The following GABRB3 variants were observed in gnomAD, a reference collection of about 807,000 sequenced individuals.
The protein encoded by GABRB3 is gamma-aminobutyric acid type A receptor subunit beta3.
GABRB3 carries 14 observed loss-of-function variants against 52.1 expected under a neutral mutation model. The observed-to-expected ratio is 0.27, with a 90% confidence interval of 0.18 to 0.42. GABRB3 has a LOEUF of 0.42. Among genes scored for constraint, GABRB3 ranks in the 10% least tolerant of loss-of-function variants. The probability of loss-of-function intolerance (pLI) is 1.00; values close to 1 mark genes in which losing one functional copy is unlikely to be tolerated. For synonymous variants in GABRB3, 260 were observed against 232.3 expected, an observed-to-expected ratio of 1.12 and a Z score of -1.08; for missense variants, 307 against 609.1, an observed-to-expected ratio of 0.50 and a Z score of 5.22.
At chr15:26,695,977 G>A (rs1888725596) in intron 3 of GABRB3, among the ~76,000 whole-genome samples, 1 of 152,210 alleles carries the variant, frequency 6.6e-6, no homozygotes, top group Non-Finnish European at 1.5e-5. Flanking sequence ...GTAGGTTTAA[G>A]TAAGAAATTA....
intron 3 of GABRB3, among the ~76,000 whole-genome samples, chr15:26,724,269 G>C (rs1243413415): frequency 6.6e-6 from 1 of 152,074 alleles, no homozygotes; most frequent in Non-Finnish European, 1.5e-5. Context: ...TCACAGCTGA[G>C]AAATAAAAAT....
intron 7 of GABRB3, among the ~76,000 whole-genome samples, chr15:26,564,479 T>G (rs1890093936): frequency 6.6e-6 from 1 of 152,064 alleles, no homozygotes; most frequent in Admixed American, 6.5e-5. Flanking sequence ...CCGCGTTGAG[T>G]CCAGGTCCAA....
intron 3 of GABRB3, among the ~76,000 whole-genome samples, chr15:26,636,606 C>G (rs1338770818): frequency 6.6e-6 from 1 of 152,182 alleles, no homozygotes; most frequent in African/African-American, 2.4e-5. Context: ...ATCATTCCAT[C>G]TATATGCTTA....
At chr15:26,645,235 T>C (rs1465670018) in intron 3 of GABRB3, among the ~76,000 whole-genome samples, 1 of 152,152 alleles carries the variant, frequency 6.6e-6, no homozygotes, top group Non-Finnish European at 1.5e-5. Flanking sequence ...AGTGAGACCA[T>C]GTCTCCCCCT....
chr15:26,572,709 C>T (rs893902735), intron 6 of GABRB3, among the ~76,000 whole-genome samples: 1 of 152,204 alleles, frequency 6.6e-6, no homozygotes, highest in Non-Finnish European at 1.5e-5. Context: ...ACTAAGACAT[C>T]CCTTTTAAAA....
chr15:26,549,045 T>C (rs1227373333), intron 8 of GABRB3, among the ~76,000 whole-genome samples: 1 of 152,178 alleles, frequency 6.6e-6, no homozygotes, highest in African/African-American at 2.4e-5. Context: ...TTCCCTTTCT[T>C]TGCCTGGAGG....
At chr15:26,763,166 G>A (rs933042090) in intron 3 of GABRB3, among the ~76,000 whole-genome samples, 24 of 152,252 alleles carry the variant, frequency 1.6e-4, no homozygotes, top group Admixed American at 1.6e-3. Flanking sequence ...AGGGCACCTG[G>A]CAGTAACTCC....
At chr15:26,586,628 A>C (rs983835738) in intron 4 of GABRB3, among the ~76,000 whole-genome samples, 2 of 140,818 alleles carry the variant, frequency 1.4e-5, no homozygotes, top group African/African-American at 5.2e-5. Context: ...CATTTCAGTG[A>C]GCTGAGATGG....
intron 3 of GABRB3, among the ~76,000 whole-genome samples, chr15:26,649,658 CTGTGTGTGTGTG>C (rs57833685): frequency 3.8e-5 from 5 of 130,184 alleles, no homozygotes; most frequent in East Asian, 4.5e-4. Context: ...AGAGCCAAGG[CTGTGTGTGTGTG>C]TGTGTGTGTG....
intron 4 of GABRB3, among the ~76,000 whole-genome samples, chr15:26,601,228 C>A (rs1419721360): frequency 2.6e-5 from 4 of 152,076 alleles, no homozygotes; most frequent in Admixed American, 2.6e-4. Flanking sequence ...TTGAAACCAG[C>A]CCGGCCAACA....
intron 3 of GABRB3, among the ~76,000 whole-genome samples, chr15:26,667,826 A>C (rs906785601): frequency 6.6e-6 from 1 of 152,048 alleles, no homozygotes; most frequent in African/African-American, 2.4e-5. Context: ...CCTCCACGTG[A>C]CTCAGAGGCA....
chr15:26,569,416 C>T (rs1257097820), intron 6 of GABRB3: 1 of 152,186 alleles, frequency 6.6e-6, no homozygotes, highest in East Asian at 1.9e-4. Context: ...TATCACATGT[C>T]ATCATAGCAT....
At chr15:26,772,309 C>T in intron 3 of GABRB3, 93 bp downstream of exon 3, 1 of 1,149,710 alleles carries the variant, frequency 8.7e-7, no homozygotes, top group Non-Finnish European at 1.3e-6. Context: ...TCGGCCCCGG[C>T]CGAAGAGGCC....
Position 26,615,783 on chromosome 15 carries a change from T to C in GABRB3, c.461+5531A>G, listed in dbSNP as rs1892231100. 3 of 1,168,906 alleles carry C rather than the reference T, an allele frequency of 2.6e-6. No homozygotes were observed. In the African/African-American group the frequency reaches 4.8e-5, roughly 19 times the overall value. 72.4% of individuals were successfully genotyped at this position (1,168,906 alleles called of 1,614,324 possible). On this transcript the variant is annotated intron_variant, in intron 4 of 8. Coordinates refer to ENST00000311550, the MANE Select transcript of GABRB3 (RefSeq NM_000814.6). ...CTAAGTGGCGACTGACCTACCAGTG[T>C]AGGCTACTGCTGGATAGACAAGGTG...
intron 3 of GABRB3, among the ~76,000 whole-genome samples, chr15:26,678,698 T>G (rs1428528826): frequency 6.6e-6 from 1 of 152,090 alleles, no homozygotes; most frequent in Non-Finnish European, 1.5e-5. Flanking sequence ...GAGGTGACCA[T>G]GGCTCTCAAC....
rs532293456 is a variant in GABRB3, at chr15:26,621,542, G to A, written c.241-8C>T. ...CATGGTTAAGGTATAATCCTGGGGG[G>A]AAAAGAAAAGAAAGAAAGTTAGTTT... On this transcript the variant is annotated splice_polypyrimidine_tract_variant and splice_region_variant and intron_variant, in intron 3 of 8. Transcript: ENST00000311550. This position sits in a 1 kb window ranked among gnomAD's most constrained non-coding sequence, Gnocchi z 4.1. 3.8e-6 allele frequency: 6 copies of A among 1,599,598 alleles called. No individual in the cohort carries two copies. Among genetic ancestry groups the A allele is most frequent in the African/African-American group, 2.7e-5 (2 of 74,696 alleles).
At chr15:26,771,385 T>C (rs1406776750) in intron 3 of GABRB3, among the ~76,000 whole-genome samples, 1 of 152,168 alleles carries the variant, frequency 6.6e-6, no homozygotes, top group Non-Finnish European at 1.5e-5. Context: ...GATTCCGACG[T>C]ACACGAGAGT....
Position 26,621,123 on chromosome 15 carries a change from T to C in GABRB3, c.461+191A>G, listed in dbSNP as rs1892466664. 1.3e-5 allele frequency among the ~76,000 whole-genome samples: 2 copies of C among 151,750 alleles called. No individual in the cohort carries two copies. Among genetic ancestry groups the C allele is most frequent in the Admixed American group, 1.3e-4 (2 of 15,218 alleles). On this transcript the variant is annotated intron_variant, in intron 4 of 8. Coordinates refer to ENST00000311550, the MANE Select transcript of GABRB3 (RefSeq NM_000814.6). The surrounding 1 kb of genome is among the most constrained non-coding windows in gnomAD (Gnocchi z 4.1). ...TGGCTGTTTTTCAACTGCTTGTGACTATTTACAGTAACAGTAATGCCCCAA... is the reference window on the plus strand; with the variant it reads ...TGGCTGTTTTTCAACTGCTTGTGACCATTTACAGTAACAGTAATGCCCCAA...
chr15:26,608,983 G>T, intron 4 of GABRB3, among the ~76,000 whole-genome samples: 1 of 151,934 alleles, frequency 6.6e-6, no homozygotes. Flanking sequence ...TTGCTGAAGG[G>T]ATGTTAGCAC....
Sources: gnomAD v4.1 joint callset for allele counts (sites outside exome capture counted in the v4.1 genomes callset) on GRCh38, gnomAD v4.1.1 for gene constraint, Gnocchi (gnomAD v3.1) non-coding constraint, MANE v1.5 for transcripts, NCBI Gene and HGNC (gene_info 2026-07-23, HGNC 2026-07-21) for gene names.